The following PTPRM variants were observed in gnomAD, a reference collection of about 807,000 sequenced individuals.
The protein encoded by PTPRM is protein tyrosine phosphatase receptor type M, also known as receptor-type tyrosine-protein phosphatase mu.
In PTPRM, 47 loss-of-function variants were observed where a neutral mutation model predicts 186.7. The observed-to-expected ratio is 0.25, with a 90% CI of 0.20 to 0.32. The LOEUF (loss-of-function observed/expected upper bound fraction) is 0.32, where lower values mean the gene tolerates loss of function less well. Among genes scored for constraint, PTPRM ranks in the 10% least tolerant of loss-of-function variants. The pLI, the probability that PTPRM is intolerant of heterozygous loss-of-function variation, is 1.00. For missense variants in PTPRM, 1,494 were observed against 1,865.0 expected (o/e 0.80, Z 3.66); for synonymous variants, 668 against 674.9 (o/e 0.99, Z 0.16).
At chr18:8,265,673 C>A (rs150191144) in intron 19 of PTPRM, among the ~76,000 whole-genome samples, 1 of 151,898 alleles carries the variant, frequency 6.6e-6, no homozygotes, top group Non-Finnish European at 1.5e-5. Context: ...AATTTTTTTT[C>A]AAATAACAGT....
At chr18:7,993,569 T>C (rs1163288868) in intron 7 of PTPRM, among the ~76,000 whole-genome samples, 1 of 152,106 alleles carries the variant, frequency 6.6e-6, no homozygotes, top group Non-Finnish European at 1.5e-5. Flanking sequence ...TCGAGTGATA[T>C]ATTCAAAGTA....
intron 24 of PTPRM, among the ~76,000 whole-genome samples, chr18:8,373,609 T>A (rs770093973): frequency 1.6e-4 from 24 of 152,174 alleles, no homozygotes; most frequent in Non-Finnish European, 3.1e-4. Flanking sequence ...GAGAAGATGA[T>A]CCTCCTGTCT....
At chr18:7,598,986 A>T (rs567953359) in intron 1 of PTPRM, among the ~76,000 whole-genome samples, 1 of 152,132 alleles carries the variant, frequency 6.6e-6, no homozygotes, top group African/African-American at 2.4e-5. Flanking sequence ...CTAAATAAAG[A>T]TATTTTCGTT....
At chr18:8,343,373 A>T (rs1215474193) in intron 22 of PTPRM, 50 bp from the exon 23 acceptor site, 1 of 1,548,444 alleles carries the variant, frequency 6.5e-7, no homozygotes, top group Non-Finnish European at 8.9e-7. Flanking sequence ...GAAATTTTCC[A>T]GTTGAAACTT....
In PTPRM at chr18:8,371,034, T is replaced by C. The variant is rs369470728; in HGVS notation, c.3171+28T>C. ...AAGTTTTCATACTGCTTTTAAAAGC[T>C]ATGGTCAGACACTAGTGGTACCATA... On this transcript the variant is annotated intron_variant, in intron 24 of 32. Transcript: ENST00000580170. 4 of 1,404,088 alleles carry C rather than the reference T, an allele frequency of 2.8e-6. No homozygotes were observed. The African/African-American group carries it at 5.7e-5, about 20-fold the overall frequency. The allele number at this position is 1,404,088 out of a possible 1,614,324, so 87.0% of individuals were successfully genotyped here.
intron 14 of PTPRM, among the ~76,000 whole-genome samples, chr18:8,197,291 T>C (rs539778069): frequency 1.6e-4 from 24 of 152,344 alleles, no homozygotes; most frequent in African/African-American, 4.3e-4. Context: ...CGGAAGATAG[T>C]GTGCTCTACA....
rs373967844 is a variant in PTPRM at position 7,878,652 on chromosome 18, A to G, written c.197-9454A>G. 4.6e-5 allele frequency among the ~76,000 whole-genome samples: 7 copies of G among 152,280 alleles called. No individual in the cohort carries two copies. In the East Asian group the frequency reaches 1.2e-3, roughly 25 times the overall value. ...ATTTTATGTAAAAGCTAACTGCACA[A>G]TTTCTTCTTAAGGCAAGTCATAGTT... is the stretch of plus-strand genomic sequence containing the variant. On this transcript the variant is annotated intron_variant, in intron 2 of 32. Transcript: ENST00000580170.
intron 1 of PTPRM, among the ~76,000 whole-genome samples, chr18:7,657,295 T>G (rs1274154032): frequency 2.6e-5 from 4 of 152,174 alleles, no homozygotes; most frequent in Non-Finnish European, 5.9e-5. Context: ...AGGGCAAGTG[T>G]GCTGTTGCCG....
chr18:8,383,129 C>G lies in PTPRM; in HGVS notation c.3919-1432C>G, dbSNP rs28639718. Among the ~76,000 whole-genome samples the G allele has an allele frequency of 7.6e-3, 1,161 of 151,836 alleles. 12 individuals are homozygous for G. The highest frequency in any genetic ancestry group is 0.027 in the African/African-American group (1,101 of 41,396). On this transcript the variant is annotated intron_variant, in intron 29 of 32. Coordinates refer to ENST00000580170, the MANE Select transcript of PTPRM (RefSeq NM_001105244.2). ...CCTGGCCAACATGGTGAAACCCCCT[C>G]TCCACTAAAAATACAAAAATTAGCC...
intron 1 of PTPRM, among the ~76,000 whole-genome samples, chr18:7,663,265 T>A (rs899823388): frequency 3.3e-5 from 5 of 152,166 alleles, no homozygotes; most frequent in Admixed American, 3.3e-4. Flanking sequence ...GCCAGTATTT[T>A]AAACTAGTTA....
At chr18:7,596,365 C>G (rs1032349676) in intron 1 of PTPRM, among the ~76,000 whole-genome samples, 1 of 152,174 alleles carries the variant, frequency 6.6e-6, no homozygotes, top group Non-Finnish European at 1.5e-5. Context: ...TCGTTTACTT[C>G]TGGAATTTTC....
At chr18:8,365,211 C>G (rs1438718249) in intron 23 of PTPRM, among the ~76,000 whole-genome samples, 1 of 152,202 alleles carries the variant, frequency 6.6e-6, no homozygotes, top group African/African-American at 2.4e-5. Flanking sequence ...GAGTCAGAGC[C>G]TGCGTTTCAG....
intron 1 of PTPRM, among the ~76,000 whole-genome samples, chr18:7,711,418 C>T (rs1004398944): frequency 6.6e-6 from 1 of 152,208 alleles, no homozygotes; most frequent in African/African-American, 2.4e-5. Context: ...TTTGGGCAGA[C>T]ACCGAGCTAG....
chr18:7,607,182 A>G (rs2037551741), intron 1 of PTPRM, among the ~76,000 whole-genome samples: 1 of 152,144 alleles, frequency 6.6e-6, no homozygotes, highest in Non-Finnish European at 1.5e-5. Flanking sequence ...CATTCTCACC[A>G]GCTCCTTAAG....
At chr18:8,172,629 C>T (rs2093419850) in intron 14 of PTPRM, among the ~76,000 whole-genome samples, 1 of 151,462 alleles carries the variant, frequency 6.6e-6, no homozygotes, top group African/African-American at 2.4e-5. Context: ...GGTGGGCCAG[C>T]TGCCGACATT....
chr18:7,712,587 G>A (rs1262775605), intron 1 of PTPRM, among the ~76,000 whole-genome samples: 2 of 151,976 alleles, frequency 1.3e-5, no homozygotes, highest in African/African-American at 4.8e-5. Context: ...AAAGGATCAT[G>A]TTCTAACCCA....
At chr18:8,187,771 C>T (rs1025075060) in intron 14 of PTPRM, among the ~76,000 whole-genome samples, 2 of 152,142 alleles carry the variant, frequency 1.3e-5, no homozygotes, top group African/African-American at 4.8e-5. Flanking sequence ...GGGTCTGGAA[C>T]CTTGGCCCAC....
At chr18:8,286,217 C>A (rs560754646) in intron 19 of PTPRM, among the ~76,000 whole-genome samples, 2 of 152,306 alleles carry the variant, frequency 1.3e-5, no homozygotes, top group African/African-American at 4.8e-5. Flanking sequence ...TTCCCATCTG[C>A]TAGTTGCAAC....
intron 20 of PTPRM, among the ~76,000 whole-genome samples, chr18:8,302,872 G>A (rs1295680896): frequency 1.3e-5 from 2 of 151,950 alleles, no homozygotes; most frequent in Admixed American, 1.3e-4. Context: ...GCTCAGGTTG[G>A]CATGAGATCA....
Sources: gnomAD v4.1 joint callset for allele counts (sites outside exome capture counted in the v4.1 genomes callset) on GRCh38, gnomAD v4.1.1 for gene constraint, MANE v1.5 for transcripts, NCBI Gene and HGNC (gene_info 2026-07-23, HGNC 2026-07-21) for gene names.